The following KIF11 variants were observed in gnomAD, a reference collection of about 807,000 sequenced individuals.
KIF11 encodes the protein kinesin family member 11.
A neutral mutation model predicts 121.0 loss-of-function variants in KIF11; 9 were observed. The ratio of observed to expected loss-of-function variants is 0.07; its 90% confidence interval spans 0.04 to 0.13. The LOEUF (loss-of-function observed/expected upper bound fraction) is 0.13, where lower values mean the gene tolerates loss of function less well. KIF11 is among the 10% of genes least tolerant of loss of function. The pLI is 1.00. For synonymous variants in KIF11, 408 were observed against 421.0 expected, an observed-to-expected ratio of 0.97 and a Z score of 0.38; for missense variants, 846 against 1,217.5, an observed-to-expected ratio of 0.69 and a Z score of 4.54.
intron 21 of KIF11, among the ~76,000 whole-genome samples, chr10:92,651,959 A>AC (rs1382521665): frequency 2.8e-5 from 3 of 109,044 alleles, no homozygotes; most frequent in African/African-American, 1.0e-4. Context: ...ATATGCTTGT[A>AC]CCTTTTTTTT....
intron 8 of KIF11, among the ~76,000 whole-genome samples, chr10:92,615,985 G>C (rs966303878): frequency 2.2e-4 from 33 of 151,322 alleles, no homozygotes; most frequent in Non-Finnish European, 4.6e-4. Flanking sequence ...GATTACAGGC[G>C]CCACCACCAT....
At chr10:92,603,013 C>T (rs969656118) in intron 1 of KIF11, among the ~76,000 whole-genome samples, 2 of 151,702 alleles carry the variant, frequency 1.3e-5, no homozygotes, top group Non-Finnish European at 2.9e-5. Context: ...TGCCACCACG[C>T]CTGGCTAATT....
Position 92,609,450 on chromosome 10 carries a change from T to A in KIF11, c.639T>A (p.Ile213=), listed in dbSNP as rs1157034665. The A allele has an allele frequency of 6.2e-7, 1 of 1,613,800 alleles. No homozygotes were observed. The highest frequency in any genetic ancestry group is 2.2e-5 in the East Asian group (1 of 44,842). Residue 213 remains isoleucine, a synonymous_variant, in exon 6 of 22, where the codon ATT becomes ATA. Coordinates refer to ENST00000260731, the MANE Select transcript of KIF11 (RefSeq NM_004523.4). The stretch of plus-strand genomic sequence containing the variant: ...ACAACAAGGATGAAGTCTATCAAAT[T>A]TTAGAAAAGGGGGCAGCAAAAAGGA... ...TVHNKDEVYQ[I]LEKGAAKRTT...
chr10:92,630,536 T>TA (rs1157203996), intron 12 of KIF11, among the ~76,000 whole-genome samples, 172 bp downstream of exon 12: 2 of 152,188 alleles, frequency 1.3e-5, no homozygotes, highest in Non-Finnish European at 2.9e-5. Flanking sequence ...GATGTCGACT[T>TA]ATGAAAAAAC....
At chr10:92,594,177 A>G (rs1844266309) in intron 1 of KIF11, among the ~76,000 whole-genome samples, 1 of 152,218 alleles carries the variant, frequency 6.6e-6, no homozygotes, top group African/African-American at 2.4e-5. Context: ...TTTACTGAGT[A>G]TGTGTGTTTT....
At chr10:92,617,703 G>C (rs1435216432) in intron 9 of KIF11, among the ~76,000 whole-genome samples, 1 of 151,452 alleles carries the variant, frequency 6.6e-6, no homozygotes, top group Non-Finnish European at 1.5e-5. Context: ...ATTCTAAGGA[G>C]TATAAAATGG....
chr10:92,633,971 A>G (rs900472873), intron 14 of KIF11, among the ~76,000 whole-genome samples, 176 bp downstream of exon 14: 6 of 151,894 alleles, frequency 4.0e-5, no homozygotes, highest in Non-Finnish European at 8.8e-5. Flanking sequence ...ACATATATAT[A>G]TATTTTGTTT....
Position 92,593,372 on chromosome 10 carries a change from C to G in KIF11, c.-4C>G, listed in dbSNP as rs775378350. On this transcript the variant is annotated 5_prime_UTR_variant, in exon 1 of 22. Transcript: ENST00000260731. ...CGGGCCTTGATTTTTTGGCGGGGAC[C>G]GTCATGGCGTCGCAGCCAAATTCGT... is the stretch of plus-strand genomic sequence containing the variant. The G allele has an allele frequency of 1.2e-6, 2 of 1,605,784 alleles. No individual in the cohort carries two copies. Among genetic ancestry groups the G allele is most frequent in the Non-Finnish European group, 1.7e-6 (2 of 1,176,830 alleles).
rs1411014404 is a variant in KIF11 at position 92,609,459 on chromosome 10, G to A, written c.648G>A (p.Lys216=). The A allele has an allele frequency of 1.2e-6, 2 of 1,613,370 alleles. No homozygotes were observed. Among genetic ancestry groups the A allele is most frequent in the Non-Finnish European group, 1.7e-6 (2 of 1,179,830 alleles). Residue 216 remains lysine (K), a synonymous_variant, in exon 6 of 22, where the codon AAG becomes AAA. Transcript: ENST00000260731. ...NKDEVYQILE[K]GAAKRTTAAT... is the part of the protein sequence containing the mutation. ...ATGAAGTCTATCAAATTTTAGAAAA[G>A]GGGGCAGCAAAAAGGACAACTGCAG...
intron 14 of KIF11, among the ~76,000 whole-genome samples, chr10:92,634,831 GA>G (rs2135917706): frequency 6.6e-6 from 1 of 152,328 alleles, no homozygotes; most frequent in South Asian, 2.1e-4. Context: ...ACCAGAAGGG[GA>G]TATTGGGTAG....
intron 10 of KIF11, among the ~76,000 whole-genome samples, chr10:92,627,854 G>A (rs1844696602): frequency 6.6e-6 from 1 of 152,172 alleles, no homozygotes; most frequent in Non-Finnish European, 1.5e-5. Context: ...TTTGCTTGGA[G>A]ATTTTTCTAG....
rs116284356 is a variant in KIF11 at position 92,621,090 on chromosome 10, G to A, written c.1129-295G>A. ...GTCCTGGAATCAGATGCTTTTATAA[G>A]GAATCCTGGTTCATTTTAGTGTGAA... On this transcript the variant is annotated intron_variant, in intron 9 of 21. Transcript: ENST00000260731. Among the ~76,000 whole-genome samples the A allele has an allele frequency of 4.9e-3, 750 of 152,292 alleles. 2 individuals are homozygous for A. Among genetic ancestry groups the A allele is most frequent in the African/African-American group, 0.017 (704 of 41,550 alleles).
In KIF11 at chr10:92,650,468, T is replaced by C; in HGVS notation, c.2990T>C (p.Val997Ala). The change falls in exon 21 of 22, where the codon GTA becomes GCA. Residue 997 changes from valine (V) to alanine (A), a missense_variant. This residue lies in a region of KIF11 where 492 missense variants were observed against 603.4 expected (regional missense o/e 0.82). Transcript: ENST00000260731. ...GAACCTCTAAGTCAAGAGCCATCTG[T>C]AGATGCTGGTGTGGATTGTTCATCA... ...TEEPLSQEPS[V>A]DAGVDCSSIG... is the part of the protein sequence containing the mutation. 1 of 1,613,748 alleles carries C rather than the reference T, an allele frequency of 6.2e-7. No homozygotes were observed. The highest frequency in any genetic ancestry group is 8.5e-7 in the Non-Finnish European group (1 of 1,179,638).
intron 17 of KIF11, among the ~76,000 whole-genome samples, chr10:92,641,190 A>G (rs925014680): frequency 1.3e-5 from 2 of 152,202 alleles, no homozygotes; most frequent in African/African-American, 2.4e-5. Flanking sequence ...CCATTTAAAA[A>G]TTTTTATAAA....
intron 6 of KIF11, among the ~76,000 whole-genome samples, chr10:92,611,802 G>A (rs1844500273): frequency 6.6e-6 from 1 of 152,120 alleles, no homozygotes; most frequent in Non-Finnish European, 1.5e-5. Context: ...GGTAGGCTGA[G>A]GCAGGAGAAC....
chr10:92,609,505 T>G lies in KIF11; in HGVS notation c.694T>G (p.Ser232Ala). Residue 232 changes from serine (S) to alanine (A), a missense_variant, in exon 6 of 22, where the codon TCT becomes GCT. Physicochemically the swap from Ser to Ala is moderately conservative, Grantham distance 99. Transcript: ENST00000260731. The part of the protein sequence containing the change: ...TTAATLMNAY[S>A]SRSHSVFSVT... ...TGCAGCTACTCTGATGAATGCATAC[T>G]CTAGGTAAGAAAGCCATAGTCTCTT... is the stretch of plus-strand genomic sequence containing the variant. 6.2e-7 allele frequency: 1 copy of G among 1,607,826 alleles called. No individual in the cohort carries two copies. Among genetic ancestry groups the G allele is most frequent in the Non-Finnish European group, 8.5e-7 (1 of 1,178,230 alleles).
rs767422209 is a variant in KIF11, at chr10:92,653,681, G to A, written c.3056G>A (p.Gly1019Glu). 16 of 1,611,764 alleles carry A rather than the reference G, an allele frequency of 9.9e-6. No homozygotes were observed. Among genetic ancestry groups the A allele is most frequent in the African/African-American group, 1.3e-5 (1 of 74,842 alleles). Residue 1019 changes from glycine (G) to glutamate (E), a missense_variant, in exon 22 of 22, where the codon GGA becomes GAA. Physicochemically the swap from Gly to Glu is moderately conservative, Grantham distance 98 (BLOSUM62 -2). Coordinates refer to ENST00000260731, the MANE Select transcript of KIF11 (RefSeq NM_004523.4). ...VPFFQHKKSH[G>E]KDKENRGINT... ...AATCCACAGCATAAAAAATCACATG[G>A]AAAAGACAAAGAAAACAGAGGCATT...
rs1388428250 is a variant in KIF11, at chr10:92,630,198, A to G, written c.1328A>G (p.Asn443Ser). 1.3e-6 allele frequency: 2 copies of G among 1,576,552 alleles called. No individual in the cohort carries two copies. Among genetic ancestry groups the G allele is most frequent in the Non-Finnish European group, 1.7e-6 (2 of 1,164,904 alleles). Residue 443 changes from asparagine to serine, a missense_variant, in exon 12 of 22, where the codon AAT becomes AGT. By Grantham distance (46) the Asn-to-Ser change is conservative. This residue lies in a region of KIF11 where 95 missense variants were observed against 109.3 expected (regional missense o/e 0.87). Transcript: ENST00000260731. ...TAGGTTACAGAGTTGTTTATGGATA[A>G]TAAAAATGAACTTGACCAGTGTAAA... Reference protein sequence around the residue: ...LNRVTELFMDNKNELDQCKSD... With the variant: ...LNRVTELFMDSKNELDQCKSD...
chr10:92,651,357 C>T (rs188674724), intron 21 of KIF11, among the ~76,000 whole-genome samples: 93 of 145,170 alleles, frequency 6.4e-4, no homozygotes, highest in Non-Finnish European at 9.9e-4. Flanking sequence ...TCTTTTGAGA[C>T]GGAGCTTCGC....
Sources: gnomAD v4.1 joint callset for allele counts (sites outside exome capture counted in the v4.1 genomes callset) on GRCh38, gnomAD v4.1.1 for gene constraint, gnomAD v4.1.1 regional missense constraint, MANE v1.5 for transcripts, NCBI Gene and HGNC (gene_info 2026-07-23, HGNC 2026-07-21) for gene names.